The following NAALADL2 variants were observed in gnomAD, a reference collection of about 807,000 sequenced individuals.
The protein encoded by NAALADL2 is inactive N-acetylated-alpha-linked acidic dipeptidase-like protein 2.
In NAALADL2, 76 loss-of-function variants were observed where a neutral mutation model predicts 87.2. That is an observed-to-expected ratio of 0.87 (90% CI 0.72 to 1.05). The LOEUF is 1.05. Ranked by LOEUF, NAALADL2 falls within the 50% of genes least tolerant of loss-of-function variation. The pLI, the probability that NAALADL2 is intolerant of heterozygous loss-of-function variation, is 0.00. For missense variants in NAALADL2, 1,089 were observed against 945.8 expected (o/e 1.15, Z -1.99); for synonymous variants, 354 against 331.0 (o/e 1.07, Z -0.75).
At chr3:174,912,982 A>G (rs1733900861) in intron 1 of NAALADL2, among the ~76,000 whole-genome samples, 1 of 152,192 alleles carries the variant, frequency 6.6e-6, no homozygotes, top group South Asian at 2.1e-4. Flanking sequence ...CATGGTTTCT[A>G]AAATACACAT....
chr3:175,533,464 A>G (rs955743434), intron 9 of NAALADL2, among the ~76,000 whole-genome samples: 3 of 152,054 alleles, frequency 2.0e-5, no homozygotes, highest in African/African-American at 7.2e-5. Context: ...GGCAGCACAG[A>G]GTTTGATCTC....
At chr3:175,049,945 C>T (rs7619132) in intron 1 of NAALADL2, among the ~76,000 whole-genome samples, 34,235 of 152,170 alleles carry the variant, frequency 0.22, 4,171 homozygotes, top group African/African-American at 0.3. Context: ...AAATAATAAT[C>T]CCCAGCTGGG....
At chr3:175,302,081 T>A (rs1757155144) in intron 4 of NAALADL2, among the ~76,000 whole-genome samples, 1 of 152,160 alleles carries the variant, frequency 6.6e-6, no homozygotes, top group Non-Finnish European at 1.5e-5. Context: ...GGGAAAGAAA[T>A]AATTTCTCAT....
intron 2 of NAALADL2, among the ~76,000 whole-genome samples, chr3:175,127,319 G>C (rs1438236120): frequency 6.6e-6 from 1 of 152,080 alleles, no homozygotes; most frequent in Non-Finnish European, 1.5e-5. Flanking sequence ...ATTGCTTTGG[G>C]AATCTGTTCT....
chr3:175,338,651 AC>A (rs1201640927), intron 5 of NAALADL2, among the ~76,000 whole-genome samples: 15 of 149,460 alleles, frequency 1.0e-4, no homozygotes, highest in South Asian at 4.2e-4. Flanking sequence ...ACACACACAC[AC>A]ACACACACAC....
chr3:174,603,218 G>A (rs953776156), intron 2 of NAALADL2, among the ~76,000 whole-genome samples: 6 of 151,972 alleles, frequency 3.9e-5, no homozygotes, highest in Admixed American at 1.3e-4. Flanking sequence ...GTAAAATTTA[G>A]CAGTGAAGCA....
At chr3:175,177,732 A>G (rs1735887299) in intron 2 of NAALADL2, among the ~76,000 whole-genome samples, 1 of 152,102 alleles carries the variant, frequency 6.6e-6, no homozygotes, top group Non-Finnish European at 1.5e-5. Flanking sequence ...AAATATTTTC[A>G]TGTATGCACG....
intron 2 of NAALADL2, among the ~76,000 whole-genome samples, chr3:175,198,713 G>A (rs189090827): frequency 6.6e-6 from 1 of 151,900 alleles, no homozygotes; most frequent in East Asian, 1.9e-4. Context: ...AAACCTTTGG[G>A]TATACTGACA....
intron 2 of NAALADL2, among the ~76,000 whole-genome samples, chr3:174,608,457 A>G (rs1719382142): frequency 2.0e-5 from 3 of 151,686 alleles, no homozygotes; most frequent in East Asian, 1.9e-4. Flanking sequence ...TCAAATAGAC[A>G]CAATAAAAAA....
chr3:174,545,827 T>A (rs1722679666), intron 1 of NAALADL2, among the ~76,000 whole-genome samples: 1 of 151,320 alleles, frequency 6.6e-6, no homozygotes, highest in African/African-American at 2.4e-5. Flanking sequence ...TCCTTAGTTT[T>A]ATTTTTTATT....
chr3:175,280,991 A>G (rs889756226), intron 4 of NAALADL2, among the ~76,000 whole-genome samples: 7 of 151,920 alleles, frequency 4.6e-5, no homozygotes, highest in Admixed American at 3.9e-4. Flanking sequence ...ACCCTCTTCC[A>G]TTAGAATCTG....
In NAALADL2 at chr3:174,950,708, G is replaced by A. The variant is rs147584326; in HGVS notation, c.43+91258G>A. Among the ~76,000 whole-genome samples the A allele has an allele frequency of 4.6e-5, 7 of 152,134 alleles. No individual in the cohort carries two copies. The East Asian group carries it at 1.4e-3, about 29-fold the overall frequency. On this transcript the variant is annotated intron_variant, in intron 1 of 13. Transcript: ENST00000454872. ...TTGTCAATAATTTGAAACAATTTTAGCATGCCACTATAAAAGGCTAGTCAA... is the reference window on the plus strand; with the variant it reads ...TTGTCAATAATTTGAAACAATTTTAACATGCCACTATAAAAGGCTAGTCAA...
intron 2 of NAALADL2, among the ~76,000 whole-genome samples, chr3:174,671,397 CTGTA>C (rs903085836): frequency 2.6e-5 from 4 of 152,012 alleles, no homozygotes; most frequent in Non-Finnish European, 2.9e-5. Flanking sequence ...ATTACCTACT[CTGTA>C]TGAAGTATTC....
chr3:175,395,535 C>G (rs1769665552), intron 5 of NAALADL2, among the ~76,000 whole-genome samples: 1 of 152,086 alleles, frequency 6.6e-6, no homozygotes, highest in Admixed American at 6.5e-5. Context: ...AGTATGCATT[C>G]CTTTAGGAAT....
rs147957315 is a variant in NAALADL2 at position 175,440,676 on chromosome 3, T to C, written c.1091-6553T>C. ...AAAGGGGGTTGAGTTCTTGATTCGA[T>C]TCTCAGCTTGGTTGCTGTTGGTGTA... is the stretch of plus-strand genomic sequence containing the variant. On this transcript the variant is annotated intron_variant, in intron 5 of 13. Coordinates refer to ENST00000454872, the MANE Select transcript of NAALADL2 (RefSeq NM_207015.3). Among the ~76,000 whole-genome samples, 795 of 152,242 alleles carry C rather than the reference T, an allele frequency of 5.2e-3. 6 individuals are homozygous for C. Among genetic ancestry groups the C allele is most frequent in the African/African-American group, 0.018 (747 of 41,558 alleles).
chr3:175,478,626 C>G (rs529703417), intron 9 of NAALADL2, among the ~76,000 whole-genome samples: 1 of 152,034 alleles, frequency 6.6e-6, no homozygotes, highest in East Asian at 1.9e-4. Flanking sequence ...AGCTTGAACT[C>G]AGCCATCCCG....
At chr3:175,585,714 GTATT>G (rs1370975150) in intron 10 of NAALADL2, among the ~76,000 whole-genome samples, 1 of 151,930 alleles carries the variant, frequency 6.6e-6, no homozygotes, top group Non-Finnish European at 1.5e-5. Flanking sequence ...CTAAACATGA[GTATT>G]TAGTTTCCTA....
chr3:175,451,177 A>G (rs1410491032), intron 6 of NAALADL2, among the ~76,000 whole-genome samples: 2 of 152,102 alleles, frequency 1.3e-5, no homozygotes, highest in Non-Finnish European at 2.9e-5. Context: ...CAGCCTATTT[A>G]TATTTGGTTT....
intron 5 of NAALADL2, among the ~76,000 whole-genome samples, chr3:175,445,615 C>T (rs2149216925): frequency 6.6e-6 from 1 of 152,198 alleles, no homozygotes; most frequent in African/African-American, 2.4e-5. Flanking sequence ...TTTCCCTTTT[C>T]TCCTTTTTCC....
Sources: gnomAD v4.1 joint callset for allele counts (sites outside exome capture counted in the v4.1 genomes callset) on GRCh38, gnomAD v4.1.1 for gene constraint, MANE v1.5 for transcripts, NCBI Gene and HGNC (gene_info 2026-07-23, HGNC 2026-07-21) for gene names.